Variants in SPECC1 observed in about 807,000 individuals in gnomAD.
The protein encoded by SPECC1 is sperm antigen with calponin homology and coiled-coil domains 1.
SPECC1 carries 62 observed loss-of-function variants against 104.1 expected under a neutral mutation model. The observed-to-expected ratio is 0.60, with a 90% confidence interval of 0.49 to 0.74. The LOEUF is 0.74. Ranked by LOEUF, SPECC1 falls within the 30% of genes least tolerant of loss-of-function variation. The probability of loss-of-function intolerance (pLI) is 0.00; values close to 1 mark genes in which losing one functional copy is unlikely to be tolerated. For synonymous variants in SPECC1, 513 were observed against 501.6 expected, an observed-to-expected ratio of 1.02 and a Z score of -0.30; for missense variants, 1,306 against 1,310.5, an observed-to-expected ratio of 1.00 and a Z score of 0.05.
chr17:20,237,613 C>T (rs538013962), intron 7 of SPECC1: 1 of 197,872 alleles, frequency 5.1e-6, no homozygotes, highest in East Asian at 7.9e-5. Context: ...GCACCCAGAA[C>T]CTAAGGCCCA....
At chr17:20,017,251 G>A (rs1361111137) in intron 1 of SPECC1, 4 of 152,342 alleles carry the variant, frequency 2.6e-5, no homozygotes, top group African/African-American at 9.6e-5. Flanking sequence ...GTCTATATGA[G>A]CTGCAACACA....
chr17:20,036,090 C>T (rs980739935), intron 1 of SPECC1, among the ~76,000 whole-genome samples: 5 of 152,162 alleles, frequency 3.3e-5, no homozygotes, highest in African/African-American at 1.2e-4. Context: ...GGATTACAGG[C>T]ATGAGCCACT....
rs867804523 is a variant in SPECC1 at position 20,314,700 on chromosome 17, C to A, written c.*635C>A. The A allele has an allele frequency of 6.3e-5, 12 of 189,928 alleles. No individual in the cohort carries two copies. The highest frequency in any genetic ancestry group is 9.3e-5 in the Non-Finnish European group (9 of 96,618). The allele number at this position is 189,928 out of a possible 1,614,324, so 11.8% of individuals were successfully genotyped here. ...AACCCTCCCTTCCCCCCTCCCCCCC[C>A]AAAAAAAAACAACAAAACACAAAAA... On this transcript the variant is annotated 3_prime_UTR_variant, in exon 15 of 15. Coordinates refer to ENST00000395527, the MANE Select transcript of SPECC1 (RefSeq NM_001243439.2).
At chr17:20,156,285 C>A in intron 3 of SPECC1, 1 of 1,321,408 alleles carries the variant, frequency 7.6e-7, no homozygotes, top group South Asian at 2.0e-5. Context: ...CCCACCCCCC[C>A]TCCAGGCGCC....
chr17:20,019,374 C>T lies in SPECC1; in HGVS notation c.-22+9950C>T, dbSNP rs58933698. On this transcript the variant is annotated intron_variant, in intron 1 of 14. Coordinates refer to ENST00000395527, the MANE Select transcript of SPECC1 (RefSeq NM_001243439.2). ...TTACCTAGAAATGACTTCTCCCAGT[C>T]AGATGGTCATGAATTTTTTTGCCTT... is the stretch of plus-strand genomic sequence containing the variant. 6.5e-3 allele frequency among the ~76,000 whole-genome samples: 985 copies of T among 152,154 alleles called. 11 individuals carry two copies. The highest frequency in any genetic ancestry group is 0.023 in the African/African-American group (937 of 41,480).
chr17:20,224,462 C>G (rs567140612), intron 4 of SPECC1, among the ~76,000 whole-genome samples: 1 of 152,316 alleles, frequency 6.6e-6, no homozygotes, highest in East Asian at 1.9e-4. Context: ...CAGAGTGGGT[C>G]TAGAAATGCT....
chr17:20,205,947 A>G (rs1032839575), intron 4 of SPECC1, 35 bp downstream of exon 4: 1 of 1,567,702 alleles, frequency 6.4e-7, no homozygotes, highest in Non-Finnish European at 8.6e-7. Flanking sequence ...GTATTTGCTC[A>G]TCCTTGTTCA....
rs1488525603 is a variant in SPECC1 at position 20,051,125 on chromosome 17, T to TTTCCTTCTTTCCTTCTTTCC, written c.-22+41704_-22+41705insCTTCTTTCCTTCTTTCCTTC. On this transcript the variant is annotated intron_variant, in intron 1 of 14. Coordinates refer to ENST00000395527, the MANE Select transcript of SPECC1 (RefSeq NM_001243439.2). Reference sequence around the variant, plus strand: ...CTTTCTTTCTTTCTTTCTTTCTTTCTTTCTTTCTTTCTTTCCTTCTTTCCT... The same window carrying TTTCCTTCTTTCCTTCTTTCC: ...CTTTCTTTCTTTCTTTCTTTCTTTCTTTCCTTCTTTCCTTCTTTCCTTCTTTCTTTCTTTCCTTCTTTCCT... Among the ~76,000 whole-genome samples the TTTCCTTCTTTCCTTCTTTCC allele has an allele frequency of 1.6e-3, 107 of 67,588 alleles. 1 individual carries two copies. Among genetic ancestry groups the TTTCCTTCTTTCCTTCTTTCC allele is most frequent in the South Asian group, 3.2e-3 (7 of 2,204 alleles). The allele number at this position is 67,588 out of a possible 152,430, so 44.3% of individuals were successfully genotyped here.
At chr17:20,275,624 TAA>T (rs2040551233) in intron 12 of SPECC1, among the ~76,000 whole-genome samples, 1 of 152,224 alleles carries the variant, frequency 6.6e-6, no homozygotes, top group Non-Finnish European at 1.5e-5. Flanking sequence ...GTGAAAAGTA[TAA>T]GAGTGAAGAC....
Position 20,227,616 on chromosome 17 carries a change from A to G in SPECC1, c.2067A>G (p.Leu689=), listed in dbSNP as rs1440748675. Residue 689 remains leucine (L), a synonymous_variant, in exon 5 of 15, where the codon CTA becomes CTG. Coordinates refer to ENST00000395527, the MANE Select transcript of SPECC1 (RefSeq NM_001243439.2). Reference sequence around the variant, plus strand: ...ACAATAATCAACTCATCAGTGAGCTAGAAAGTAAGTGGGGTCTGCCAGGCA... The same window carrying G: ...ACAATAATCAACTCATCAGTGAGCTGGAAAGTAAGTGGGGTCTGCCAGGCA... ...KLHNNQLISE[L]ESSVIKLEEQ... 5.0e-6 allele frequency: 8 copies of G among 1,611,262 alleles called. No homozygotes were observed. The highest frequency in any genetic ancestry group is 1.3e-5 in the African/African-American group (1 of 74,672).
intron 1 of SPECC1, among the ~76,000 whole-genome samples, chr17:20,082,469 C>T (rs36077949): frequency 0.5 from 75,365 of 151,822 alleles, 19,284 homozygotes; most frequent in Middle Eastern, 0.6. Context: ...CGTGGTGGTG[C>T]GCACCTTGTC....
At chr17:20,097,090 G>A (rs1469211389) in intron 2 of SPECC1, among the ~76,000 whole-genome samples, 1 of 152,180 alleles carries the variant, frequency 6.6e-6, no homozygotes, top group Non-Finnish European at 1.5e-5. Flanking sequence ...CACGGCCCTG[G>A]ATAGGGGTCG....
At chr17:20,123,764 C>CGGTGACTAG (rs1289251764) in intron 3 of SPECC1, among the ~76,000 whole-genome samples, 1 of 152,182 alleles carries the variant, frequency 6.6e-6, no homozygotes, top group Admixed American at 6.5e-5. Flanking sequence ...TTACTATTAC[C>CGGTGACTAG]GGTGACTAGC....
chr17:20,058,991 C>T (rs1567817756), intron 1 of SPECC1, among the ~76,000 whole-genome samples: 1 of 151,322 alleles, frequency 6.6e-6, no homozygotes. Context: ...AGGTGCCCAC[C>T]ACCACACCCG....
At chr17:20,249,583 T>C (rs1341573510) in intron 9 of SPECC1, among the ~76,000 whole-genome samples, 2 of 151,934 alleles carry the variant, frequency 1.3e-5, no homozygotes, top group East Asian at 3.9e-4. Flanking sequence ...GTCAACAAAA[T>C]AAGTGACAAG....
chr17:20,272,058 A>G (rs1381058989), intron 12 of SPECC1, among the ~76,000 whole-genome samples: 1 of 152,122 alleles, frequency 6.6e-6, no homozygotes, highest in East Asian at 1.9e-4. Flanking sequence ...CTAAAATTTC[A>G]GGGTGATGTG....
chr17:20,287,129 T>G (rs1284967374), intron 12 of SPECC1, among the ~76,000 whole-genome samples: 3 of 152,138 alleles, frequency 2.0e-5, no homozygotes, highest in Admixed American at 1.3e-4. Flanking sequence ...TTAAATGACA[T>G]GGCTTTGGCC....
At chr17:20,189,924 C>G (rs954378322) in intron 3 of SPECC1, among the ~76,000 whole-genome samples, 6 of 152,144 alleles carry the variant, frequency 3.9e-5, no homozygotes, top group Non-Finnish European at 1.5e-5. Flanking sequence ...TTGCTTTTAA[C>G]AAAGGAAGTA....
chr17:20,151,516 T>A (rs2032004510), intron 3 of SPECC1, among the ~76,000 whole-genome samples: 2 of 152,200 alleles, frequency 1.3e-5, no homozygotes, highest in South Asian at 2.1e-4. Context: ...TTGCTTTTTT[T>A]ATAGTCATCA....
Sources: gnomAD v4.1 joint callset for allele counts (sites outside exome capture counted in the v4.1 genomes callset) on GRCh38, gnomAD v4.1.1 for gene constraint, MANE v1.5 for transcripts, NCBI Gene and HGNC (gene_info 2026-07-23, HGNC 2026-07-21) for gene names.